The following HDAC9 variants were observed in gnomAD, a reference collection of about 807,000 sequenced individuals.
HDAC9 encodes the protein MEF-2 interacting transcription repressor (MITR) protein.
HDAC9 carries 41 observed loss-of-function variants against 139.4 expected under a neutral mutation model. The ratio of observed to expected loss-of-function variants is 0.29; its 90% CI spans 0.23 to 0.38. The LOEUF (loss-of-function observed/expected upper bound fraction) is 0.38. HDAC9 is among the 10% of genes least tolerant of loss of function. The pLI is 1.00. For missense variants in HDAC9, 1,147 were observed against 1,297.0 expected (o/e 0.88, Z 1.78); for synonymous variants, 517 against 476.2 (o/e 1.09, Z -1.12).
intron 17 of HDAC9, among the ~76,000 whole-genome samples, chr7:18,797,828 C>T (rs986021742): frequency 6.7e-6 from 1 of 148,362 alleles, no homozygotes; most frequent in Non-Finnish European, 1.5e-5. Flanking sequence ...GACTCCATCT[C>T]AGAAAAAAAA....
At chr7:18,905,428 T>G (rs190829064) in intron 22 of HDAC9, among the ~76,000 whole-genome samples, 63 of 152,312 alleles carry the variant, frequency 4.1e-4, no homozygotes, top group Middle Eastern at 3.4e-3. Flanking sequence ...GAAAGTCCAT[T>G]TTTCTACTTA....
At chr7:18,556,801 C>T (rs1394492449) in intron 2 of HDAC9, among the ~76,000 whole-genome samples, 2 of 152,006 alleles carry the variant, frequency 1.3e-5, no homozygotes, top group East Asian at 3.8e-4. Context: ...CCTTGGAAAA[C>T]TAAATGGATT....
At chr7:18,764,041 G>GT (rs1413493645) in intron 15 of HDAC9, among the ~76,000 whole-genome samples, 2 of 152,102 alleles carry the variant, frequency 1.3e-5, no homozygotes, top group Admixed American at 6.5e-5. Context: ...ACATGGCGAT[G>GT]TTTTTTTAAA....
chr7:18,899,846 T>TA (rs940547290), intron 22 of HDAC9, among the ~76,000 whole-genome samples: 2 of 152,004 alleles, frequency 1.3e-5, no homozygotes, highest in African/African-American at 2.4e-5. Context: ...ACCTGTAATA[T>TA]AAAAAAATTA....
intron 2 of HDAC9, among the ~76,000 whole-genome samples, chr7:18,580,173 C>A (rs1827354106): frequency 6.6e-6 from 1 of 152,134 alleles, no homozygotes; most frequent in African/African-American, 2.4e-5. Flanking sequence ...CGTGAATGTT[C>A]ATGTTCATGC....
intron 11 of HDAC9, among the ~76,000 whole-genome samples, chr7:18,664,641 C>G (rs539273297): frequency 6.6e-6 from 1 of 152,140 alleles, no homozygotes; most frequent in East Asian, 1.9e-4. Flanking sequence ...CTGCTTCCCA[C>G]CCCTCACACA....
chr7:18,869,729 G>T (rs977448382), intron 21 of HDAC9, among the ~76,000 whole-genome samples: 1 of 152,108 alleles, frequency 6.6e-6, no homozygotes, highest in Non-Finnish European at 1.5e-5. Context: ...GACATCTTCT[G>T]TATTGAAGAT....
intron 2 of HDAC9, among the ~76,000 whole-genome samples, chr7:18,209,695 A>G (rs1791792908): frequency 6.6e-6 from 1 of 151,310 alleles, no homozygotes; most frequent in Non-Finnish European, 1.5e-5. Flanking sequence ...GTAAAAGAGC[A>G]GGTACTTTTT....
intron 13 of HDAC9, 31 bp downstream of exon 13, chr7:18,727,788 G>A (rs2129129119): frequency 1.4e-6 from 2 of 1,436,498 alleles, no homozygotes; most frequent in Non-Finnish European, 1.8e-6. Flanking sequence ...TCTCTAATAG[G>A]CAGGCTAAAT....
intron 15 of HDAC9, among the ~76,000 whole-genome samples, chr7:18,763,557 CCTTT>C (rs1366694453): frequency 1.3e-5 from 2 of 152,020 alleles, no homozygotes; most frequent in East Asian, 1.9e-4. Flanking sequence ...CTCATTTTTT[CCTTT>C]CTATTTTAGA....
At chr7:18,739,779 G>A (rs1228264049) in intron 13 of HDAC9, among the ~76,000 whole-genome samples, 1 of 152,242 alleles carries the variant, frequency 6.6e-6, no homozygotes, top group Non-Finnish European at 1.5e-5. Context: ...GCCGTGCTGG[G>A]AGAACCACTT....
chr7:18,619,364 G>A (rs1004342329), intron 6 of HDAC9, among the ~76,000 whole-genome samples: 7 of 152,060 alleles, frequency 4.6e-5, no homozygotes, highest in Non-Finnish European at 7.4e-5. Flanking sequence ...ATGTATACAG[G>A]CATGTATTAT....
chr7:18,617,284 A>T (rs1838893651), intron 6 of HDAC9, among the ~76,000 whole-genome samples: 1 of 152,122 alleles, frequency 6.6e-6, no homozygotes, highest in Non-Finnish European at 1.5e-5. Flanking sequence ...GTTATGTACA[A>T]GGCTAAAGCT....
intron 17 of HDAC9, among the ~76,000 whole-genome samples, chr7:18,801,014 C>A (rs75183653): frequency 6.6e-6 from 1 of 151,982 alleles, no homozygotes; most frequent in Non-Finnish European, 1.5e-5. Context: ...AAACTAGTAA[C>A]AATTTATAAG....
At chr7:18,278,196 A>G (rs1205536128) in intron 2 of HDAC9, among the ~76,000 whole-genome samples, 3 of 152,208 alleles carry the variant, frequency 2.0e-5, no homozygotes, top group African/African-American at 7.2e-5. Context: ...GTTGCAGGAA[A>G]TTGGCCTTTT....
chr7:18,276,545 A>G (rs570402155), intron 2 of HDAC9, among the ~76,000 whole-genome samples: 3 of 152,298 alleles, frequency 2.0e-5, no homozygotes, highest in East Asian at 1.9e-4. Context: ...ATCATCATAC[A>G]TGCATTTTGA....
chr7:18,719,549 A>G, intron 12 of HDAC9, among the ~76,000 whole-genome samples: 1 of 152,004 alleles, frequency 6.6e-6, no homozygotes, highest in African/African-American at 2.4e-5. Flanking sequence ...CACGTTGGCC[A>G]GGCTTGTCTT....
intron 12 of HDAC9, among the ~76,000 whole-genome samples, chr7:18,670,319 G>C (rs1345031046): frequency 6.6e-6 from 1 of 151,908 alleles, no homozygotes; most frequent in East Asian, 1.9e-4. Flanking sequence ...CAAACACAAA[G>C]GAAATTTGGA....
At chr7:18,622,076 C>T (rs1584249092) in intron 6 of HDAC9, among the ~76,000 whole-genome samples, 1 of 152,094 alleles carries the variant, frequency 6.6e-6, no homozygotes, top group Admixed American at 6.5e-5. Flanking sequence ...AGTAACAAAA[C>T]ATTTAAATAT....
Sources: allele counts gnomAD v4.1 joint callset (sites outside exome capture counted in the v4.1 genomes callset), GRCh38; gene constraint gnomAD v4.1.1; transcripts MANE v1.5; gene names NCBI Gene and HGNC (gene_info 2026-07-23, HGNC 2026-07-21).